DEPTOR: variants seen among roughly 807,000 people sequenced by gnomAD.
The protein encoded by DEPTOR is DEP domain-containing mTOR-interacting protein.
Under a neutral mutation model 41.6 loss-of-function variants are expected in DEPTOR, and 41 were observed. That is an observed-to-expected ratio of 0.98 (90% CI 0.77 to 1.28). The LOEUF (loss-of-function observed/expected upper bound fraction) is 1.28. DEPTOR is among the 50% of genes most tolerant of loss of function. DEPTOR has a pLI of 0.00. For missense variants in DEPTOR, 514 were observed against 527.9 expected (o/e 0.97, Z 0.26); for synonymous variants, 195 against 192.3 (o/e 1.01, Z -0.12).
intron 3 of DEPTOR, among the ~76,000 whole-genome samples, chr8:119,936,922 G>T (rs1467514502): frequency 6.6e-6 from 1 of 152,126 alleles, no homozygotes; most frequent in African/African-American, 2.4e-5. Context: ...TACTTGGGAG[G>T]CTGGGGTGGG....
chr8:119,932,773 G>A (rs1266131849), intron 3 of DEPTOR, among the ~76,000 whole-genome samples: 1 of 152,132 alleles, frequency 6.6e-6, no homozygotes, highest in Non-Finnish European at 1.5e-5. Flanking sequence ...TACTGAGGGT[G>A]GTGGGGTACT....
intron 1 of DEPTOR, among the ~76,000 whole-genome samples, chr8:119,894,404 A>T (rs536914876): frequency 4.7e-5 from 7 of 150,142 alleles, no homozygotes; most frequent in African/African-American, 1.7e-4. Context: ...TTATTTATTT[A>T]TTTATTTTTT....
At chr8:120,021,180 A>C (rs1812707973) in intron 8 of DEPTOR, among the ~76,000 whole-genome samples, 1 of 152,072 alleles carries the variant, frequency 6.6e-6, no homozygotes, top group Admixed American at 6.5e-5. Flanking sequence ...AGGCGGGCAG[A>C]TTACCTGAGG....
At chr8:119,882,992 G>A (rs1490041324) in intron 1 of DEPTOR, among the ~76,000 whole-genome samples, 4 of 152,156 alleles carry the variant, frequency 2.6e-5, no homozygotes, top group African/African-American at 4.8e-5. Context: ...GGGGGACATC[G>A]TGAAGATGGA....
intron 1 of DEPTOR, among the ~76,000 whole-genome samples, chr8:119,876,871 G>A (rs1055225338): frequency 5.3e-5 from 8 of 152,170 alleles, no homozygotes; most frequent in Admixed American, 1.3e-4. Flanking sequence ...ATGGAGTTGC[G>A]AGAATTTGCC....
chr8:119,952,646 G>T (rs2129930554), intron 3 of DEPTOR, among the ~76,000 whole-genome samples: 1 of 152,298 alleles, frequency 6.6e-6, no homozygotes, highest in Non-Finnish European at 1.5e-5. Flanking sequence ...TCATTGTTCA[G>T]TTCCCACTGA....
chr8:119,937,064 G>A (rs1470720351), intron 3 of DEPTOR, among the ~76,000 whole-genome samples: 1 of 151,742 alleles, frequency 6.6e-6, no homozygotes, highest in African/African-American at 2.4e-5. Flanking sequence ...TTTTTAAAAA[G>A]AAATGTTTCT....
intron 3 of DEPTOR, 97 bp from the exon 4 acceptor site, chr8:119,965,135 C>T: frequency 1.5e-6 from 2 of 1,330,486 alleles, no homozygotes; most frequent in Non-Finnish European, 2.0e-6. Flanking sequence ...GTCTGTCTGA[C>T]AACTTTGCTG....
chr8:119,915,945 T>TAAAAAAAAAAAAAAAAAA (rs201870960), intron 1 of DEPTOR, among the ~76,000 whole-genome samples: 1 of 126,652 alleles, frequency 7.9e-6, no homozygotes, highest in Non-Finnish European at 1.6e-5. Context: ...CTTCATTTGT[T>TAAAAAAAAAAAAAAAAAA]AAAAAAAAAA....
chr8:119,880,693 A>G (rs1297313139), intron 1 of DEPTOR, among the ~76,000 whole-genome samples: 1 of 152,226 alleles, frequency 6.6e-6, no homozygotes, highest in Non-Finnish European at 1.5e-5. Flanking sequence ...CACTTTCTCT[A>G]CTAAATATTA....
chr8:119,915,945 TAAAAAA>T (rs201870960), intron 1 of DEPTOR, among the ~76,000 whole-genome samples: 5 of 126,654 alleles, frequency 3.9e-5, no homozygotes, highest in African/African-American at 5.6e-5. Context: ...CTTCATTTGT[TAAAAAA>T]AAAAAAAAAA....
intron 8 of DEPTOR, among the ~76,000 whole-genome samples, chr8:120,047,306 G>A (rs1041435834): frequency 5.9e-5 from 9 of 152,130 alleles, no homozygotes; most frequent in Admixed American, 3.9e-4. Flanking sequence ...ACAGATGTGA[G>A]CCACTGCACC....
chr8:119,888,584 G>C (rs540258775), intron 1 of DEPTOR, among the ~76,000 whole-genome samples: 2 of 151,726 alleles, frequency 1.3e-5, no homozygotes, highest in African/African-American at 2.4e-5. Context: ...AGGCTGGCAC[G>C]GTGGCTCACG....
Position 119,873,736 on chromosome 8 carries a change from AG to A in DEPTOR, c.-110del. 6.8e-7 allele frequency: 1 copy of A among 1,468,084 alleles called. No homozygotes were observed. Among genetic ancestry groups the A allele is most frequent in the Non-Finnish European group, 9.2e-7 (1 of 1,089,762 alleles). The allele number at this position is 1,468,084 out of a possible 1,614,324, so 90.9% of individuals were successfully genotyped here. A position where few individuals can be genotyped will look rare whatever the true frequency, so the allele number is the denominator to read the frequency against. On this transcript the variant is annotated 5_prime_UTR_variant, in exon 1 of 9. Transcript: ENST00000286234. ...CCAGCCAATCCAGTCAGAGCAGCGGAGCTGCCCCGAACAAAGATGGCGCGGG... is the reference window on the plus strand; with the variant it reads ...CCAGCCAATCCAGTCAGAGCAGCGGACTGCCCCGAACAAAGATGGCGCGGG...
At chr8:119,931,363 A>G (rs1255366865) in intron 3 of DEPTOR, among the ~76,000 whole-genome samples, 1 of 152,170 alleles carries the variant, frequency 6.6e-6, no homozygotes, top group Non-Finnish European at 1.5e-5. Flanking sequence ...CTGTCACCTT[A>G]CCTTTGTAAA....
At chr8:119,876,257 T>A (rs1427428828) in intron 1 of DEPTOR, among the ~76,000 whole-genome samples, 2 of 152,186 alleles carry the variant, frequency 1.3e-5, no homozygotes, top group Non-Finnish European at 2.9e-5. Context: ...TGGGTTTGAA[T>A]GACTGCTCCA....
In DEPTOR at chr8:119,916,280, T is replaced by G. The variant is rs1028566502; in HGVS notation, c.123-12120T>G. Among the ~76,000 whole-genome samples the G allele has an allele frequency of 3.4e-4, 50 of 146,170 alleles. 1 individual carries two copies. Among genetic ancestry groups the G allele is most frequent in the African/African-American group, 5.9e-4 (23 of 39,032 alleles). On this transcript the variant is annotated intron_variant, in intron 1 of 8. Coordinates refer to ENST00000286234, the MANE Select transcript of DEPTOR (RefSeq NM_022783.4). ...AGGCTAGGCTAATTTTTTTTTTTTT[T>G]TTTTTTTTTTTTTTTTTTTTTTAGA...
rs955227865 is a variant in DEPTOR, at chr8:119,988,149, C to T, written c.605-13376C>T. On this transcript the variant is annotated intron_variant, in intron 4 of 8. Transcript: ENST00000286234. ...TTGAAACCCTGGTGGTGTAGGCACCCGAGGGAATCTCCTGGTCTGCGGGTT... is the reference window on the plus strand; with the variant it reads ...TTGAAACCCTGGTGGTGTAGGCACCTGAGGGAATCTCCTGGTCTGCGGGTT... 3.3e-5 allele frequency among the ~76,000 whole-genome samples: 5 copies of T among 152,146 alleles called. No individual in the cohort carries two copies. The South Asian group carries it at 8.3e-4, about 25-fold the overall frequency.
At chr8:120,009,209 A>G in intron 8 of DEPTOR, 76 bp downstream of exon 8, 1 of 1,301,498 alleles carries the variant, frequency 7.7e-7, no homozygotes, top group Non-Finnish European at 1.1e-6. Flanking sequence ...GATTCTTACT[A>G]GGGATCCAAA....
Sources: allele counts gnomAD v4.1 joint callset (sites outside exome capture counted in the v4.1 genomes callset), GRCh38; gene constraint gnomAD v4.1.1; transcripts MANE v1.5; gene names NCBI Gene and HGNC (gene_info 2026-07-23, HGNC 2026-07-21).